The following PTK7 variants were observed in gnomAD, a reference collection of about 807,000 sequenced individuals.
PTK7 encodes the protein protein tyrosine kinase 7 (inactive).
A neutral mutation model predicts 116.6 loss-of-function variants in PTK7; 39 were observed. The observed-to-expected ratio is 0.33, with a 90% confidence interval of 0.26 to 0.44. The LOEUF is 0.44. PTK7 is among the 20% of genes least tolerant of loss of function. The pLI is 1.00. For missense variants in PTK7, 1,169 were observed against 1,425.6 expected, an observed-to-expected ratio of 0.82 and a Z score of 2.90; for synonymous variants, 546 against 563.6, an observed-to-expected ratio of 0.97 and a Z score of 0.44.
At chr6:43,132,918 C>T in intron 7 of PTK7, 1 of 630,310 alleles carries the variant, frequency 1.6e-6, no homozygotes, top group Non-Finnish European at 2.8e-6. Context: ...AAATGGTCCT[C>T]TGGGTACAGA....
chr6:43,080,954 T>TACACACACACACAC (rs59525398), intron 1 of PTK7, among the ~76,000 whole-genome samples: 3 of 148,250 alleles, frequency 2.0e-5, no homozygotes, highest in Admixed American at 6.7e-5. Context: ...AAAAAAAAAA[T>TACACACACACACAC]ACACACACAC....
chr6:43,156,430 C>T (rs539725641), intron 17 of PTK7, among the ~76,000 whole-genome samples: 6 of 151,884 alleles, frequency 4.0e-5, no homozygotes, highest in African/African-American at 1.4e-4. Flanking sequence ...AAGGAGACCC[C>T]CGTCTCTACA....
rs538473286 is a variant in PTK7, at chr6:43,159,169, G to A, written c.2873+201G>A. Among the ~76,000 whole-genome samples the A allele has an allele frequency of 4.6e-5, 7 of 152,272 alleles. 1 individual carries two copies. The South Asian group carries it at 1.5e-3, about 32-fold the overall frequency. ...CACCCAGTGCACACCCTTGGTGGTT[G>A]TAAAATGTCTCTAGCGATTAAATAA... On this transcript the variant is annotated intron_variant, in intron 18 of 19. Transcript: ENST00000230419.
intron 15 of PTK7, 193 bp downstream of exon 15, chr6:43,144,799 T>G: frequency 1.8e-6 from 1 of 564,082 alleles, no homozygotes; most frequent in South Asian, 3.5e-5. Context: ...ATTTTGTCAT[T>G]CCTGTGTACT....
intron 1 of PTK7, among the ~76,000 whole-genome samples, chr6:43,088,465 C>T (rs1050373862): frequency 5.9e-5 from 9 of 151,976 alleles, no homozygotes; most frequent in Non-Finnish European, 8.8e-5. Flanking sequence ...GAGGCCGAGG[C>T]GGGTGGATCA....
At chr6:43,146,481 T>G in intron 16 of PTK7, 137 bp from the exon 17 acceptor site, 1 of 707,132 alleles carries the variant, frequency 1.4e-6, no homozygotes, top group Non-Finnish European at 2.4e-6. Context: ...AACTTCCCCC[T>G]GGGAAAGGGG....
At chr6:43,091,261 A>G (rs576517418) in intron 1 of PTK7, among the ~76,000 whole-genome samples, 15 of 151,602 alleles carry the variant, frequency 9.9e-5, no homozygotes, top group African/African-American at 3.6e-4. Flanking sequence ...CCTGGGTTCA[A>G]GTGACCCTCC....
intron 7 of PTK7, among the ~76,000 whole-genome samples, chr6:43,134,934 C>T (rs79076077): frequency 6.6e-6 from 1 of 151,966 alleles, no homozygotes; most frequent in Non-Finnish European, 1.5e-5. Context: ...TGGATGACAG[C>T]AAGACCCTGT....
At chr6:43,138,198 G>C (rs1770160568) in intron 7 of PTK7, among the ~76,000 whole-genome samples, 1 of 151,204 alleles carries the variant, frequency 6.6e-6, no homozygotes, top group Non-Finnish European at 1.5e-5. Context: ...TGTTTTTTTA[G>C]AGATGGGGGT....
chr6:43,077,776 G>C (rs1766139353), intron 1 of PTK7, among the ~76,000 whole-genome samples: 1 of 152,212 alleles, frequency 6.6e-6, no homozygotes, highest in Admixed American at 6.5e-5. Context: ...TATCTTTCTG[G>C]CCTGCCAGCT....
At chr6:43,160,588 C>T in intron 19 of PTK7, 133 bp from the exon 20 acceptor site, 1 of 1,157,504 alleles carries the variant, frequency 8.6e-7, no homozygotes, top group Non-Finnish European at 1.2e-6. Flanking sequence ...GTTGCGGGTA[C>T]CCACCTGCCG....
intron 1 of PTK7, among the ~76,000 whole-genome samples, chr6:43,092,072 A>AGG (rs1448781536): frequency 6.6e-6 from 1 of 152,170 alleles, no homozygotes; most frequent in African/African-American, 2.4e-5. Flanking sequence ...CATGTTGGTC[A>AGG]GGCTGGTCTT....
At chr6:43,124,650 T>C (rs1769173275) in intron 1 of PTK7, among the ~76,000 whole-genome samples, 1 of 152,170 alleles carries the variant, frequency 6.6e-6, no homozygotes, top group Admixed American at 6.5e-5. Context: ...TACTCCAGCC[T>C]GGGCAACAGA....
chr6:43,127,427 C>T (rs568098550), intron 1 of PTK7, among the ~76,000 whole-genome samples: 1 of 152,388 alleles, frequency 6.6e-6, no homozygotes, highest in South Asian at 2.1e-4. Context: ...CCTCCCTAAA[C>T]CCATCTGCCA....
chr6:43,116,604 T>TTGTGTGTGTG (rs751605217), intron 1 of PTK7, among the ~76,000 whole-genome samples: 116 of 119,156 alleles, frequency 9.7e-4, no homozygotes, highest in East Asian at 4.4e-3. Flanking sequence ...AAAAGCTGGT[T>TTGTGTGTGTG]TGTGTGTGTG....
chr6:43,109,233 G>A (rs1036257936), intron 1 of PTK7, among the ~76,000 whole-genome samples: 1 of 152,174 alleles, frequency 6.6e-6, no homozygotes, highest in African/African-American at 2.4e-5. Flanking sequence ...AAGAGATAGG[G>A]TCTTGCTATG....
chr6:43,090,811 T>G (rs1488580013), intron 1 of PTK7, among the ~76,000 whole-genome samples: 7 of 152,218 alleles, frequency 4.6e-5, no homozygotes, highest in African/African-American at 1.4e-4. Flanking sequence ...GTGCTTTATA[T>G]ATAACAAGTT....
intron 10 of PTK7, among the ~76,000 whole-genome samples, chr6:43,140,136 T>C (rs1770304811): frequency 6.6e-6 from 1 of 151,050 alleles, no homozygotes; most frequent in Admixed American, 6.6e-5. Flanking sequence ...AAACAAAAGT[T>C]ACATGGGCTC....
intron 17 of PTK7, among the ~76,000 whole-genome samples, chr6:43,150,346 A>C (rs1770992204): frequency 6.6e-6 from 1 of 152,154 alleles, no homozygotes; most frequent in Admixed American, 6.5e-5. Context: ...AGTATTTGAG[A>C]ATTACTCCAG....
Sources: allele counts gnomAD v4.1 joint callset (sites outside exome capture counted in the v4.1 genomes callset), GRCh38; gene constraint gnomAD v4.1.1; transcripts MANE v1.5; gene names NCBI Gene and HGNC (gene_info 2026-07-23, HGNC 2026-07-21).